Variants in MILR1 observed in about 807,000 individuals in gnomAD.
MILR1 encodes allergin-1.
In MILR1, 31 loss-of-function variants were observed where a neutral mutation model predicts 18.5. That is an observed-to-expected ratio of 1.68 (90% confidence interval 1.26 to 2.26). MILR1 has a LOEUF of 2.26. Ranked by LOEUF, MILR1 falls within the 30% of genes most tolerant of loss-of-function variation. The pLI is 0.00. For missense variants in MILR1, 257 were observed against 157.4 expected, an observed-to-expected ratio of 1.63 and a Z score of -3.38; for synonymous variants, 85 against 56.2, an observed-to-expected ratio of 1.51 and a Z score of -2.30.
chr17:64,480,690 A>G, the MILR1 span, among the ~76,000 whole-genome samples: 1 of 152,240 alleles, frequency 6.6e-6, no homozygotes, highest in Admixed American at 6.5e-5. Flanking sequence ...AAACAAAACC[A>G]AAACAGATTC....
chr17:64,485,809 GT>G, the MILR1 span: 3 of 1,612,646 alleles, frequency 1.9e-6, no homozygotes, highest in Non-Finnish European at 2.5e-6. Flanking sequence ...GCATGCCTCG[GT>G]CTAGGTCCCC....
At chr17:64,461,709 T>C (rs2037436118) in intron 5 of MILR1, among the ~76,000 whole-genome samples, 1 of 152,166 alleles carries the variant, frequency 6.6e-6, no homozygotes, top group South Asian at 2.1e-4. Context: ...CCACCATCCA[T>C]GTCCAGAACT....
chr17:64,496,821 G>A, the MILR1 span: 2 of 1,613,666 alleles, frequency 1.2e-6, no homozygotes, highest in East Asian at 2.2e-5. Flanking sequence ...TTCCCCTCGA[G>A]CTCCGCGTGC....
At chr17:64,458,860 C>T (rs1231168919) in intron 4 of MILR1, among the ~76,000 whole-genome samples, 1 of 152,124 alleles carries the variant, frequency 6.6e-6, no homozygotes, top group Non-Finnish European at 1.5e-5. Flanking sequence ...GAGGGTGGCC[C>T]ACAGTAAGGG....
chr17:64,496,730 C>G, the MILR1 span: 2 of 1,614,110 alleles, frequency 1.2e-6, no homozygotes, highest in Non-Finnish European at 1.7e-6. Flanking sequence ...CTTGCTTCCA[C>G]TTAGGAAATG....
downstream of MILR1, among the ~76,000 whole-genome samples, chr17:64,471,332 T>C (rs1287185109): frequency 6.6e-6 from 1 of 152,050 alleles, no homozygotes; most frequent in African/African-American, 2.4e-5. Flanking sequence ...CACTTGAGGA[T>C]TGATAGTGAG....
At chr17:64,469,651 G>A (rs544591267), downstream of MILR1, among the ~76,000 whole-genome samples, 97 of 152,190 alleles carry the variant, frequency 6.4e-4, no homozygotes, top group African/African-American at 2.2e-3. Flanking sequence ...CGCCCACCTC[G>A]GACTCCCAAA....
Position 64,468,293 on chromosome 17 carries a change from CTCTT to C in MILR1, c.*29-15_*29-12del, listed in dbSNP as rs1435190198. The C allele has an allele frequency of 4.4e-6, 2 of 454,306 alleles. No individual in the cohort carries two copies. The highest frequency in any genetic ancestry group is 4.7e-5 in the Admixed American group (2 of 42,210). 28.1% of individuals were successfully genotyped at this position (454,306 alleles called of 1,614,324 possible). A position where few individuals can be genotyped will look rare whatever the true frequency, so the allele number is the denominator to read the frequency against. ...GCCTTTTATATTCTCTCTTGTCTCT[CTCTT>C]TTTTTTTTTGAGATGGAGTCTCACT... On this transcript the variant is annotated splice_polypyrimidine_tract_variant and intron_variant, in intron 9 of 9. Coordinates refer to ENST00000619286, the MANE Select transcript of MILR1 (RefSeq NM_001085423.2).
At position 64,449,198 on chromosome 17, in the gene MILR1, C is replaced by G. The variant is rs1010425645; in HGVS notation, c.30C>G (p.Phe10Leu). ...GGAGCCATTTGAACAGGCTCCTCTT[C>G]TGGAGCATATTTTCTTCTGTCACTT... MWSHLNRLL[F>L]WSIFSSVTCR... Residue 10 changes from phenylalanine (F) to leucine (L), a missense_variant, in exon 1 of 10, where the codon TTC (phenylalanine) becomes TTG (leucine). Physicochemically the swap from Phe to Leu is conservative, Grantham distance 22 (BLOSUM62 0). Coordinates refer to ENST00000619286, the MANE Select transcript of MILR1 (RefSeq NM_001085423.2). The G allele has an allele frequency of 8.0e-5, 38 of 472,574 alleles. 1 individual carries two copies. Among genetic ancestry groups the G allele is most frequent in the African/African-American group, 7.5e-4 (38 of 50,480 alleles). The allele number at this position is 472,574 out of a possible 1,614,324, so 29.3% of individuals were successfully genotyped here.
At chr17:64,485,461 A>C in the MILR1 span, 3 of 435,994 alleles carry the variant, frequency 6.9e-6, no homozygotes, top group Admixed American at 7.2e-5. Flanking sequence ...GGAAAGGTTC[A>C]GGGGCTAGGA....
At chr17:64,463,041 A>G (rs1276967950) in intron 5 of MILR1, among the ~76,000 whole-genome samples, 1 of 151,956 alleles carries the variant, frequency 6.6e-6, no homozygotes. Context: ...TTTTTAAAAA[A>G]CTTTATTAAA....
chr17:64,483,060 A>C, the MILR1 span: 1 of 818,714 alleles, frequency 1.2e-6, no homozygotes, highest in Non-Finnish European at 2.1e-6. Flanking sequence ...AGTTTGTTTA[A>C]ATATAACACA....
chr17:64,487,559 A>G, the MILR1 span: 1 of 147,660 alleles, frequency 6.8e-6, no homozygotes, highest in Non-Finnish European at 1.5e-5. Flanking sequence ...GGCTGCAGTG[A>G]GCAGACATTG....
the MILR1 span, chr17:64,485,303 C>T: frequency 2.7e-5 from 5 of 186,744 alleles, no homozygotes; most frequent in Non-Finnish European, 5.6e-5. Context: ...CATCTAGCTC[C>T]TCTGATCCAG....
the MILR1 span, chr17:64,493,148 T>C: frequency 9.5e-7 from 1 of 1,053,066 alleles, no homozygotes; most frequent in Non-Finnish European, 1.4e-6. Flanking sequence ...CTAAGCTTGG[T>C]GGCTCACGCC....
the MILR1 span, among the ~76,000 whole-genome samples, chr17:64,476,261 C>T: frequency 1.3e-5 from 2 of 152,166 alleles, no homozygotes; most frequent in East Asian, 3.9e-4. Context: ...TCACACCCAA[C>T]AAAATTGTAA....
downstream of MILR1, among the ~76,000 whole-genome samples, chr17:64,469,728 C>T (rs894565742): frequency 3.3e-5 from 5 of 152,074 alleles, no homozygotes; most frequent in African/African-American, 7.2e-5. Flanking sequence ...CTTATATCCA[C>T]GCTCACCACC....
intron 5 of MILR1, among the ~76,000 whole-genome samples, chr17:64,462,160 T>A (rs2037446097): frequency 1.3e-5 from 2 of 152,140 alleles, no homozygotes; most frequent in South Asian, 4.1e-4. Context: ...CTTTAAGAAC[T>A]TGTGTTCCTT....
chr17:64,485,958 C>T, the MILR1 span: 11 of 1,336,596 alleles, frequency 8.2e-6, no homozygotes, highest in Non-Finnish European at 1.2e-5. Context: ...TGTCACCTGG[C>T]CAGGCTGGAG....
Sources: allele counts gnomAD v4.1 joint callset (sites outside exome capture counted in the v4.1 genomes callset), GRCh38; gene constraint gnomAD v4.1.1; transcripts MANE v1.5; gene names NCBI Gene and HGNC (gene_info 2026-07-23, HGNC 2026-07-21).